Variants in DMXL1 observed in about 807,000 individuals in gnomAD.
DMXL1 encodes the protein dmX-like protein 1.
In DMXL1, 99 loss-of-function variants were observed where a neutral mutation model predicts 319.2. The ratio of observed to expected loss-of-function variants is 0.31; its 90% CI spans 0.26 to 0.37. The LOEUF (loss-of-function observed/expected upper bound fraction) is 0.37, where lower values mean the gene tolerates loss of function less well. Among genes scored for constraint, DMXL1 ranks in the 10% least tolerant of loss-of-function variants. The probability of loss-of-function intolerance (pLI) is 1.00; values close to 1 mark genes in which losing one functional copy is unlikely to be tolerated. For missense variants in DMXL1, 3,745 were observed against 3,595.6 expected (o/e 1.04, Z -1.06); for synonymous variants, 1,385 against 1,235.2 (o/e 1.12, Z -2.54).
chr5:119,079,916 G>T (rs1751809613), intron 1 of DMXL1, among the ~76,000 whole-genome samples: 1 of 152,150 alleles, frequency 6.6e-6, no homozygotes, highest in Non-Finnish European at 1.5e-5. Flanking sequence ...GTGACCGTCA[G>T]GCCTACCAGG....
chr5:119,078,567 C>T (rs564325492), intron 1 of DMXL1, among the ~76,000 whole-genome samples: 17 of 152,334 alleles, frequency 1.1e-4, no homozygotes, highest in African/African-American at 3.8e-4. Context: ...CTTCCCACTT[C>T]AGTCTCCCAA....
At chr5:119,092,358 G>A (rs566300076) in intron 1 of DMXL1, among the ~76,000 whole-genome samples, 1 of 151,816 alleles carries the variant, frequency 6.6e-6, no homozygotes, top group Middle Eastern at 3.4e-3. Flanking sequence ...GGGCTCAAGC[G>A]ATCTTTTCTC....
At chr5:119,234,953 A>G (rs1753646405) in intron 39 of DMXL1, among the ~76,000 whole-genome samples, 1 of 152,174 alleles carries the variant, frequency 6.6e-6, no homozygotes, top group African/African-American at 2.4e-5. Flanking sequence ...CCTTCTGCAT[A>G]GGCTATTTTA....
chr5:119,196,444 C>A lies in DMXL1; in HGVS notation c.7531C>A (p.His2511Asn). 1 of 1,608,482 alleles carries A rather than the reference C, an allele frequency of 6.2e-7. No homozygotes were observed. The highest frequency in any genetic ancestry group is 1.1e-5 in the South Asian group (1 of 90,934). ...GAAGACTTTTTATCCCTTCGCAGGT[C>A]ATGATCTTGCAGGTAATAAATAGCT... ...NLKTFYPFAGHDLAELPVSSP... is the reference protein window; with the variant it reads ...NLKTFYPFAGNDLAELPVSSP... The change falls in exon 31 of 44, where the codon CAT becomes AAT. Residue 2511 changes from histidine (H) to asparagine (N), a missense_variant. By Grantham distance (68) the His-to-Asn change is moderately conservative. This residue lies in a region of DMXL1 where 1,382 missense variants were observed against 1,269.5 expected (regional missense o/e 1.09). Coordinates refer to ENST00000539542, the MANE Select transcript of DMXL1 (RefSeq NM_001290321.3).
At chr5:119,164,455 C>T (rs1772989808) in intron 19 of DMXL1, 52 bp from the exon 20 acceptor site, 1 of 1,448,662 alleles carries the variant, frequency 6.9e-7, no homozygotes, top group African/African-American at 1.4e-5. Context: ...TTCTGATAAT[C>T]ATATAAGCAT....
chr5:119,221,903 C>G (rs1784710153), intron 37 of DMXL1, among the ~76,000 whole-genome samples: 1 of 151,078 alleles, frequency 6.6e-6, no homozygotes, highest in South Asian at 2.1e-4. Context: ...CCCTGATTAC[C>G]TAGAGATGTG....
At chr5:119,220,173 G>T (rs1002020931) in intron 35 of DMXL1, among the ~76,000 whole-genome samples, 4 of 151,970 alleles carry the variant, frequency 2.6e-5, no homozygotes, top group Admixed American at 6.6e-5. Flanking sequence ...TTTCTGAATT[G>T]TGCATACCTT....
chr5:119,139,074 A>T (rs1766677624), intron 13 of DMXL1: 1 of 152,204 alleles, frequency 6.6e-6, no homozygotes, highest in South Asian at 2.1e-4. Context: ...AAGAAATAAG[A>T]TCCTTTTTAG....
In DMXL1 at chr5:119,231,630, G is replaced by A. The variant is rs138095282; in HGVS notation, c.8339-1710G>A. Among the ~76,000 whole-genome samples, 346 of 152,268 alleles carry A rather than the reference G, an allele frequency of 2.3e-3. 5 individuals are homozygous for A. Among genetic ancestry groups the A allele is most frequent in the Middle Eastern group, 0.014 (4 of 294 alleles). Reference sequence around the variant, plus strand: ...AACATAGGTACATTAAAAATTTAATGAGTTTATTTTAGCTTTCAGCTCAAA... The same window carrying A: ...AACATAGGTACATTAAAAATTTAATAAGTTTATTTTAGCTTTCAGCTCAAA... On this transcript the variant is annotated intron_variant, in intron 38 of 43. Coordinates refer to ENST00000539542, the MANE Select transcript of DMXL1 (RefSeq NM_001290321.3).
intron 25 of DMXL1, among the ~76,000 whole-genome samples, chr5:119,172,638 C>G (rs1408214493): frequency 4.6e-5 from 7 of 152,160 alleles, no homozygotes; most frequent in African/African-American, 1.7e-4. Context: ...ATTACTTTAT[C>G]TGCTGTTAAT....
chr5:119,152,976 T>G (rs898870916), intron 19 of DMXL1, among the ~76,000 whole-genome samples: 1 of 146,490 alleles, frequency 6.8e-6, no homozygotes. Context: ...TTCTTTTTAG[T>G]TTTTTTTTTT....
At chr5:119,176,408 G>A (rs1451744272) in intron 26 of DMXL1, among the ~76,000 whole-genome samples, 1 of 151,844 alleles carries the variant, frequency 6.6e-6, no homozygotes, top group Non-Finnish European at 1.5e-5. Flanking sequence ...TATTTCCCAA[G>A]GTAACTTCAA....
At chr5:119,241,018 G>C (rs1233539439) in intron 42 of DMXL1, among the ~76,000 whole-genome samples, 1 of 152,088 alleles carries the variant, frequency 6.6e-6, no homozygotes, top group African/African-American at 2.4e-5. Flanking sequence ...CCCCTGCACA[G>C]ATGAAAATCA....
intron 41 of DMXL1, among the ~76,000 whole-genome samples, chr5:119,239,603 C>A (rs147173654): frequency 3.3e-5 from 5 of 152,054 alleles, no homozygotes; most frequent in African/African-American, 1.2e-4. Context: ...TATTTGTAAA[C>A]GCATGTTAAT....
chr5:119,156,017 T>C (rs1457622172), intron 19 of DMXL1, among the ~76,000 whole-genome samples: 2 of 152,230 alleles, frequency 1.3e-5, no homozygotes, highest in Non-Finnish European at 2.9e-5. Flanking sequence ...TTGAGAGGAC[T>C]GACTCCAATT....
Position 119,233,269 on chromosome 5 carries a change from T to C in DMXL1, c.8339-71T>C, listed in dbSNP as rs115568104. On this transcript the variant is annotated intron_variant, in intron 38 of 43. Coordinates refer to ENST00000539542, the MANE Select transcript of DMXL1 (RefSeq NM_001290321.3). Reference sequence around the variant, plus strand: ...TGTTTCTTTCATAAAGATTTTCACATAGGATAAAGAAATAACTTTTCCCAA... The same window carrying C: ...TGTTTCTTTCATAAAGATTTTCACACAGGATAAAGAAATAACTTTTCCCAA... 2.9e-4 allele frequency: 424 copies of C among 1,471,498 alleles called. No individual in the cohort carries two copies. In the African/African-American group the frequency reaches 5.5e-3, roughly 19 times the overall value. 91.2% of individuals were successfully genotyped at this position (1,471,498 alleles called of 1,614,324 possible).
At position 119,165,190 on chromosome 5, in the gene DMXL1, A is replaced by G; in HGVS notation, c.4880A>G (p.Lys1627Arg). ...ILRKCIEKVAKAAFYRKNDPL... is the reference protein window; with the variant it reads ...ILRKCIEKVARAAFYRKNDPL... ...AATATTTTTTGATTATAGGTAGCTA[A>G]AGCAGCCTTTTATAGAAAGAATGAT... Residue 1627 changes from lysine (K) to arginine (R), a missense_variant, in exon 21 of 44, where the codon AAA (lysine) becomes AGA (arginine). This residue lies in a region of DMXL1 where 2,096 missense variants were observed against 1,985.4 expected (regional missense o/e 1.06). Coordinates refer to ENST00000539542, the MANE Select transcript of DMXL1 (RefSeq NM_001290321.3). The G allele has an allele frequency of 6.3e-7, 1 of 1,585,106 alleles. No homozygotes were observed. The highest frequency in any genetic ancestry group is 8.6e-7 in the Non-Finnish European group (1 of 1,167,620).
chr5:119,176,659 A>G (rs537183589), intron 26 of DMXL1, among the ~76,000 whole-genome samples: 32 of 152,230 alleles, frequency 2.1e-4, no homozygotes, highest in African/African-American at 7.7e-4. Context: ...AATGCGCTAT[A>G]TTTAAGTATA....
intron 35 of DMXL1, among the ~76,000 whole-genome samples, chr5:119,218,446 T>C (rs1340537059): frequency 1.3e-5 from 2 of 151,600 alleles, no homozygotes; most frequent in South Asian, 2.1e-4. Flanking sequence ...TTTTATTTTA[T>C]TTTACTTTAT....
Sources: gnomAD v4.1 joint callset for allele counts (sites outside exome capture counted in the v4.1 genomes callset) on GRCh38, gnomAD v4.1.1 for gene constraint, gnomAD v4.1.1 regional missense constraint, MANE v1.5 for transcripts, NCBI Gene and HGNC (gene_info 2026-07-23, HGNC 2026-07-21) for gene names.